NDST4: variants seen among roughly 807,000 people sequenced by gnomAD.
The protein encoded by NDST4 is N-deacetylase and N-sulfotransferase 4.
In NDST4, 63 loss-of-function variants were observed where a neutral mutation model predicts 100.8. The ratio of observed to expected loss-of-function variants is 0.62; its 90% CI spans 0.51 to 0.77. The LOEUF (loss-of-function observed/expected upper bound fraction) is 0.77, where lower values mean the gene tolerates loss of function less well. Among genes scored for constraint, NDST4 ranks in the 30% least tolerant of loss-of-function variants. The probability of loss-of-function intolerance (pLI) is 0.00; values close to 1 mark genes in which losing one functional copy is unlikely to be tolerated. For synonymous variants in NDST4, 377 were observed against 361.8 expected (o/e 1.04, Z -0.48); for missense variants, 943 against 1,018.4 (o/e 0.93, Z 1.01).
intron 6 of NDST4, among the ~76,000 whole-genome samples, chr4:114,925,812 A>G (rs1411806649): frequency 6.6e-6 from 1 of 152,174 alleles, no homozygotes; most frequent in Non-Finnish European, 1.5e-5. Context: ...CTATTGAAAC[A>G]TATTTGTCAA....
intron 12 of NDST4, 59 bp from the exon 13 acceptor site, chr4:114,829,951 C>T (rs1723160173): frequency 1.2e-5 from 14 of 1,161,892 alleles, no homozygotes; most frequent in Admixed American, 6.2e-5. Context: ...GTGAGACAGC[C>T]TCACCAATTG....
chr4:115,057,708 A>G (rs1578488420), intron 2 of NDST4, among the ~76,000 whole-genome samples: 5 of 105,892 alleles, frequency 4.7e-5, no homozygotes, highest in East Asian at 2.7e-4. Flanking sequence ...GCACGCACAC[A>G]CACACACACA....
At chr4:114,905,013 G>C (rs1297446950) in intron 6 of NDST4, among the ~76,000 whole-genome samples, 1 of 151,810 alleles carries the variant, frequency 6.6e-6, no homozygotes, top group South Asian at 2.1e-4. Context: ...CATCAAACCA[G>C]GCTGAAAAAT....
At chr4:115,005,676 G>C (rs1009339357) in intron 2 of NDST4, among the ~76,000 whole-genome samples, 2 of 152,132 alleles carry the variant, frequency 1.3e-5, no homozygotes, top group African/African-American at 2.4e-5. Context: ...TTCTGAATAA[G>C]ACTAGAGGCA....
At chr4:114,839,277 A>T in intron 11 of NDST4, 101 bp downstream of exon 11, 1 of 1,130,770 alleles carries the variant, frequency 8.8e-7, no homozygotes, top group South Asian at 1.8e-5. Context: ...CAATACAATC[A>T]TGATAAGCAG....
chr4:114,942,031 C>T (rs1725761986), intron 4 of NDST4, among the ~76,000 whole-genome samples: 1 of 152,106 alleles, frequency 6.6e-6, no homozygotes, highest in Non-Finnish European at 1.5e-5. Context: ...TCCAATAAAG[C>T]TGATTAACAT....
intron 2 of NDST4, among the ~76,000 whole-genome samples, chr4:115,035,828 C>T (rs1437839023): frequency 1.3e-5 from 2 of 151,970 alleles, no homozygotes; most frequent in Non-Finnish European, 2.9e-5. Flanking sequence ...TTCTTCCTTT[C>T]TTGGCTGCAT....
At chr4:114,895,946 G>T (rs1248313505) in intron 6 of NDST4, among the ~76,000 whole-genome samples, 1 of 152,090 alleles carries the variant, frequency 6.6e-6, no homozygotes, top group African/African-American at 2.4e-5. Context: ...AAAACAACAT[G>T]CTTCCTAATT....
intron 2 of NDST4, among the ~76,000 whole-genome samples, chr4:115,054,831 G>C (rs1236457672): frequency 6.6e-6 from 1 of 152,100 alleles, no homozygotes; most frequent in Non-Finnish European, 1.5e-5. Flanking sequence ...CTCCTTAGCA[G>C]ATAGTTTTAT....
At chr4:114,866,036 C>T (rs1673689383) in intron 7 of NDST4, among the ~76,000 whole-genome samples, 1 of 152,202 alleles carries the variant, frequency 6.6e-6, no homozygotes, top group Non-Finnish European at 1.5e-5. Flanking sequence ...AATCTGTCCT[C>T]TCTCATCTGT....
At chr4:114,967,681 T>A (rs965425520) in intron 4 of NDST4, among the ~76,000 whole-genome samples, 1 of 152,082 alleles carries the variant, frequency 6.6e-6, no homozygotes, top group African/African-American at 2.4e-5. Context: ...ATTTTTGAAA[T>A]GGAAAAGATT....
At chr4:114,912,020 A>C (rs1187835399) in intron 6 of NDST4, among the ~76,000 whole-genome samples, 1 of 152,202 alleles carries the variant, frequency 6.6e-6, no homozygotes, top group Non-Finnish European at 1.5e-5. Flanking sequence ...ATAACCTGCT[A>C]CCAATGGAAC....
chr4:115,015,958 GA>G (rs1334635784), intron 2 of NDST4, among the ~76,000 whole-genome samples: 1 of 152,018 alleles, frequency 6.6e-6, no homozygotes, highest in Non-Finnish European at 1.5e-5. Flanking sequence ...TTCTAGCATG[GA>G]AGGAGCAGCA....
chr4:115,075,602 T>C (rs1460554127), intron 2 of NDST4, among the ~76,000 whole-genome samples: 1 of 151,962 alleles, frequency 6.6e-6, no homozygotes, highest in Admixed American at 6.6e-5. Context: ...CTGGCCAAGA[T>C]GGTGAAACCC....
chr4:115,005,141 C>T (rs1727385367), intron 2 of NDST4, among the ~76,000 whole-genome samples: 1 of 152,144 alleles, frequency 6.6e-6, no homozygotes, highest in African/African-American at 2.4e-5. Flanking sequence ...ATCACTCTTT[C>T]TATTCATTGT....
In NDST4 at chr4:115,091,874, G is replaced by C. The variant is rs545966474; in HGVS notation, c.-246-14592C>G. Reference sequence around the variant, plus strand: ...AAATAAGTGATTAAAATTTGTTAAAGTATTTTTTGGTACTAACAAACCTTT... The same window carrying C: ...AAATAAGTGATTAAAATTTGTTAAACTATTTTTTGGTACTAACAAACCTTT... On this transcript the variant is annotated intron_variant, in intron 1 of 13. Coordinates refer to ENST00000264363, the MANE Select transcript of NDST4 (RefSeq NM_022569.3). Among the ~76,000 whole-genome samples, 16 of 152,194 alleles carry C rather than the reference G, an allele frequency of 1.1e-4. No homozygotes were observed. The South Asian group carries it at 2.5e-3, about 24-fold the overall frequency.
intron 7 of NDST4, among the ~76,000 whole-genome samples, chr4:114,867,665 C>CAAAAAAAAAAAAAAAAAAAAAAAGAA: frequency 1.0e-4 from 8 of 79,894 alleles, no homozygotes; most frequent in Admixed American, 1.8e-4. Context: ...AAAAAAAAAG[C>CAAAAAAAAAAAAAAAAAAAAAAAGAA]AAAAAAAAAA....
chr4:114,844,824 A>C (rs1723508755), intron 10 of NDST4, among the ~76,000 whole-genome samples: 1 of 152,186 alleles, frequency 6.6e-6, no homozygotes, highest in Non-Finnish European at 1.5e-5. Context: ...CAATGCTCCT[A>C]AACATTTGTC....
intron 2 of NDST4, among the ~76,000 whole-genome samples, chr4:115,029,113 T>C (rs1426305412): frequency 6.6e-6 from 1 of 152,020 alleles, no homozygotes; most frequent in African/African-American, 2.4e-5. Context: ...GGGGGAAATA[T>C]GTCATTATCA....
Sources: gnomAD v4.1 joint callset for allele counts (sites outside exome capture counted in the v4.1 genomes callset) on GRCh38, gnomAD v4.1.1 for gene constraint, MANE v1.5 for transcripts, NCBI Gene and HGNC (gene_info 2026-07-23, HGNC 2026-07-21) for gene names.